HELLS: variants seen among roughly 807,000 people sequenced by gnomAD.
HELLS encodes the protein helicase, lymphoid specific.
HELLS carries 32 observed loss-of-function variants against 120.0 expected under a neutral mutation model. The observed-to-expected ratio is 0.27, with a 90% confidence interval of 0.20 to 0.36. HELLS has a LOEUF of 0.36. Among genes scored for constraint, HELLS ranks in the 10% least tolerant of loss-of-function variants. HELLS has a pLI of 1.00. For synonymous variants in HELLS, 341 were observed against 323.4 expected, an observed-to-expected ratio of 1.05 and a Z score of -0.58; for missense variants, 650 against 993.4, an observed-to-expected ratio of 0.65 and a Z score of 4.65.
intron 3 of HELLS, chr10:94,557,277 C>A: frequency 3.5e-6 from 1 of 283,006 alleles, no homozygotes. Flanking sequence ...TTAAATTTTG[C>A]TGTATTTGTC....
intron 6 of HELLS, among the ~76,000 whole-genome samples, chr10:94,569,000 C>A (rs1290907572): frequency 1.3e-5 from 2 of 152,014 alleles, no homozygotes; most frequent in African/African-American, 2.4e-5. Flanking sequence ...TGCCATCATG[C>A]TCGGCTAATT....
Position 94,592,400 on chromosome 10 carries a change from G to T in HELLS, c.1857G>T (p.Leu619=), listed in dbSNP as rs749087666. Residue 619 remains leucine, a synonymous_variant, in exon 17 of 22, where the codon CTG becomes CTT. Transcript: ENST00000348459. ...TAAGATATGTTTAATTTCAGGTGCT[G>T]CTTTTTTCACAAATGACAAGCATGT... ...PELKKRGHKV[L]LFSQMTSMLD... 6.3e-7 allele frequency: 1 copy of T among 1,579,456 alleles called. No homozygotes were observed. The highest frequency in any genetic ancestry group is 8.6e-7 in the Non-Finnish European group (1 of 1,167,468).
chr10:94,604,426 C>A (rs938262702), downstream of HELLS, among the ~76,000 whole-genome samples: 17 of 152,092 alleles, frequency 1.1e-4, no homozygotes, highest in Admixed American at 9.8e-4. Flanking sequence ...AGCCTACTTT[C>A]TATAAAAGTC....
chr10:94,560,011 T>G (rs886511996), intron 4 of HELLS, among the ~76,000 whole-genome samples: 1 of 152,176 alleles, frequency 6.6e-6, no homozygotes, highest in East Asian at 1.9e-4. Context: ...TCTACTTAGC[T>G]TCTGTGCTAA....
intron 17 of HELLS, among the ~76,000 whole-genome samples, chr10:94,592,749 A>G (rs1051695754): frequency 6.6e-6 from 1 of 151,860 alleles, no homozygotes; most frequent in Admixed American, 6.6e-5. Flanking sequence ...CTTAACCATC[A>G]CTGTAAGAAT....
At chr10:94,576,280 G>C (rs1844476643) in intron 9 of HELLS, among the ~76,000 whole-genome samples, 1 of 152,084 alleles carries the variant, frequency 6.6e-6, no homozygotes. Flanking sequence ...CACTGGGTGA[G>C]TAGCTGGCAC....
intron 1 of HELLS, 61 bp downstream of exon 1, chr10:94,546,013 T>G: frequency 1.3e-6 from 2 of 1,538,348 alleles, no homozygotes; most frequent in African/African-American, 1.4e-5. Flanking sequence ...TGGGCAAGCA[T>G]GGAGGCTGCG....
At chr10:94,601,107 T>G (rs1242269671) in intron 21 of HELLS, among the ~76,000 whole-genome samples, 1 of 152,176 alleles carries the variant, frequency 6.6e-6, no homozygotes, top group Non-Finnish European at 1.5e-5. Context: ...ATATTGTCAT[T>G]GATTCAAAAT....
intron 4 of HELLS, 132 bp from the exon 5 acceptor site, chr10:94,562,559 A>C: frequency 1.6e-6 from 1 of 628,556 alleles, no homozygotes; most frequent in Admixed American, 3.0e-5. Flanking sequence ...GTAGGTAAGT[A>C]TAATAGTGAA....
chr10:94,552,946 G>A (rs1462752317), intron 2 of HELLS, among the ~76,000 whole-genome samples: 6 of 152,136 alleles, frequency 3.9e-5, no homozygotes, highest in Admixed American at 2.0e-4. Context: ...ACCAATTACA[G>A]CATGAGACCA....
At chr10:94,584,845 A>G (rs189077548) in intron 12 of HELLS, among the ~76,000 whole-genome samples, 356 of 152,250 alleles carry the variant, frequency 2.3e-3, no homozygotes, top group African/African-American at 7.7e-3. Flanking sequence ...GTTTTATCAA[A>G]AATAGGGGCA....
downstream of HELLS, among the ~76,000 whole-genome samples, chr10:94,606,387 G>A (rs1338482801): frequency 6.6e-6 from 1 of 151,834 alleles, no homozygotes; most frequent in East Asian, 1.9e-4. Flanking sequence ...CTGTTGTCCA[G>A]GTTGGAGAGC....
rs1158082394 is a variant in HELLS at position 94,599,871 on chromosome 10, G to A, written c.2423-1657G>A. On this transcript the variant is annotated intron_variant, in intron 21 of 21. Transcript: ENST00000348459. ...ACAGAATTATGAAACATTGAAGGAC[G>A]TTAATAGAAAGACTGAGTAAACATG... Among the ~76,000 whole-genome samples the A allele has an allele frequency of 2.6e-5, 4 of 152,170 alleles. 1 individual carries two copies. The highest frequency in any genetic ancestry group is 4.4e-5 in the Non-Finnish European group (3 of 68,024).
chr10:94,567,905 G>GT (rs34881072), intron 6 of HELLS, among the ~76,000 whole-genome samples: 7,096 of 129,948 alleles, frequency 0.055, 266 homozygotes, highest in Middle Eastern at 0.12. Flanking sequence ...TGAAACCCTG[G>GT]TTTTTTTTTT....
At chr10:94,571,541 T>C (rs1844164780) in intron 7 of HELLS, 112 bp downstream of exon 7, 3 of 875,632 alleles carry the variant, frequency 3.4e-6, no homozygotes, top group Non-Finnish European at 4.9e-6. Flanking sequence ...TCCTGTTTCT[T>C]TGCTTTAAAA....
chr10:94,545,806 T>G lies in HELLS; in HGVS notation c.-116T>G, dbSNP rs2134257929. On this transcript the variant is annotated 5_prime_UTR_variant, in exon 1 of 22. Transcript: ENST00000348459. ...TTCCCGCGAAGGAGAAGCGCGCTTT[T>G]TTCCCTGGCGGGGGATTTGGCTAGA... 1 of 1,246,862 alleles carries G rather than the reference T, an allele frequency of 8.0e-7. No individual in the cohort carries two copies. The highest frequency in any genetic ancestry group is 1.5e-5 in the African/African-American group (1 of 67,154). The allele number at this position is 1,246,862 out of a possible 1,614,324, so 77.2% of individuals were successfully genotyped here.
At chr10:94,604,250 G>A (rs770717005), downstream of HELLS, among the ~76,000 whole-genome samples, 2 of 150,606 alleles carry the variant, frequency 1.3e-5, no homozygotes, top group Non-Finnish European at 2.9e-5. Flanking sequence ...TTGGCCTCCC[G>A]AGTAGCTGGG....
chr10:94,552,867 T>C (rs192487729), intron 2 of HELLS, among the ~76,000 whole-genome samples: 1 of 152,042 alleles, frequency 6.6e-6, no homozygotes, highest in Admixed American at 6.5e-5. Context: ...GAGTCCCAGC[T>C]ACTTGGGAGG....
At chr10:94,603,281 C>T (rs1246578806), downstream of HELLS, among the ~76,000 whole-genome samples, 1 of 152,126 alleles carries the variant, frequency 6.6e-6, no homozygotes, top group African/African-American at 2.4e-5. Flanking sequence ...ATATTCATTT[C>T]CATTGGAGCT....
Sources: allele counts gnomAD v4.1 joint callset (sites outside exome capture counted in the v4.1 genomes callset), GRCh38; gene constraint gnomAD v4.1.1; transcripts MANE v1.5; gene names NCBI Gene and HGNC (gene_info 2026-07-23, HGNC 2026-07-21).